EDIL3: variants seen among roughly 807,000 people sequenced by gnomAD.
EDIL3 encodes the protein EGF like and discoidin domains 3, also known as EGF-like repeat and discoidin I-like domain-containing protein 3.
Under a neutral mutation model 67.4 loss-of-function variants are expected in EDIL3, and 37 were observed. The observed-to-expected ratio is 0.55, with a 90% CI of 0.42 to 0.72. The LOEUF is 0.72. EDIL3 is among the 30% of genes least tolerant of loss of function. The probability of loss-of-function intolerance (pLI) is 0.00; values close to 1 mark genes in which losing one functional copy is unlikely to be tolerated. For missense variants in EDIL3, 527 were observed against 586.3 expected (o/e 0.90, Z 1.04); for synonymous variants, 195 against 196.3 (o/e 0.99, Z 0.05).
chr5:83,994,910 T>A (rs1745210850), intron 9 of EDIL3, among the ~76,000 whole-genome samples: 2 of 152,222 alleles, frequency 1.3e-5, no homozygotes, highest in Non-Finnish European at 1.5e-5. Flanking sequence ...TTCTTCCTCA[T>A]ATATATTTCA....
At chr5:84,369,786 A>G (rs1352046615) in intron 1 of EDIL3, among the ~76,000 whole-genome samples, 2 of 152,174 alleles carry the variant, frequency 1.3e-5, no homozygotes, top group Non-Finnish European at 2.9e-5. Flanking sequence ...ATTAAATTGA[A>G]AATTAAACCC....
chr5:84,125,380 A>G (rs1334939989), intron 5 of EDIL3, among the ~76,000 whole-genome samples: 1 of 152,024 alleles, frequency 6.6e-6, no homozygotes, highest in African/African-American at 2.4e-5. Flanking sequence ...TTTTTAGACG[A>G]TAAGTCATTT....
At chr5:84,321,365 T>C (rs1306505462) in intron 1 of EDIL3, among the ~76,000 whole-genome samples, 9 of 152,136 alleles carry the variant, frequency 5.9e-5, no homozygotes, top group Admixed American at 5.9e-4. Context: ...CATCTTCAAT[T>C]GTTGCCATTA....
chr5:84,287,244 G>A (rs1474628375), intron 1 of EDIL3, among the ~76,000 whole-genome samples: 2 of 152,132 alleles, frequency 1.3e-5, no homozygotes, highest in African/African-American at 4.8e-5. Context: ...AATGTGCTAT[G>A]TGGATTCTTT....
In EDIL3 at chr5:84,338,982, C is replaced by T. The variant is rs1747043415; in HGVS notation, c.67+45326G>A. Among the ~76,000 whole-genome samples the T allele has an allele frequency of 1.3e-5, 2 of 151,800 alleles. 1 individual carries two copies. Among genetic ancestry groups the T allele is most frequent in the South Asian group, 4.1e-4 (2 of 4,832 alleles). The stretch of plus-strand genomic sequence containing the variant: ...GCAAATAATGTAAATAGATCTGTCA[C>T]TATTCATCCCTCCCCTTCCTTCTGT... On this transcript the variant is annotated intron_variant, in intron 1 of 10. Coordinates refer to ENST00000296591, the MANE Select transcript of EDIL3 (RefSeq NM_005711.5).
intron 4 of EDIL3, among the ~76,000 whole-genome samples, chr5:84,176,181 AAT>A (rs1554071663): frequency 2.3e-5 from 2 of 86,464 alleles, no homozygotes; most frequent in Non-Finnish European, 4.1e-5. Context: ...AGTGGTAAAA[AAT>A]ATATATATAT....
At chr5:84,176,752 T>C (rs1277725544) in intron 4 of EDIL3, among the ~76,000 whole-genome samples, 1 of 98,738 alleles carries the variant, frequency 1.0e-5, no homozygotes, top group African/African-American at 3.8e-5. Context: ...TATGTGTGTA[T>C]ATATGTGTGT....
At chr5:84,211,125 G>A (rs2112389534) in intron 3 of EDIL3, among the ~76,000 whole-genome samples, 1 of 152,174 alleles carries the variant, frequency 6.6e-6, no homozygotes, top group South Asian at 2.1e-4. Context: ...TGGTTTATTC[G>A]GCCATGCCAA....
At chr5:84,166,633 T>C (rs191853812) in intron 4 of EDIL3, among the ~76,000 whole-genome samples, 1 of 152,074 alleles carries the variant, frequency 6.6e-6, no homozygotes, top group Non-Finnish European at 1.5e-5. Flanking sequence ...AAAACATAAA[T>C]ATAAAATGTG....
intron 9 of EDIL3, among the ~76,000 whole-genome samples, chr5:83,982,654 C>T (rs956776052): frequency 2.0e-5 from 3 of 151,974 alleles, no homozygotes; most frequent in Non-Finnish European, 4.4e-5. Context: ...ATAGTAATTT[C>T]GTGTATAATA....
At chr5:84,164,951 G>C (rs1748678537) in intron 4 of EDIL3, among the ~76,000 whole-genome samples, 1 of 152,106 alleles carries the variant, frequency 6.6e-6, no homozygotes, top group Admixed American at 6.6e-5. Context: ...AAGGGCAAGG[G>C]CTTTCCAGGC....
chr5:83,960,999 A>C (rs1328338205), intron 10 of EDIL3, among the ~76,000 whole-genome samples: 1 of 151,086 alleles, frequency 6.6e-6, no homozygotes, highest in Non-Finnish European at 1.5e-5. Context: ...AATAGGTTAA[A>C]AGTAAAAGGA....
chr5:84,323,385 C>A (rs969900966), intron 1 of EDIL3, among the ~76,000 whole-genome samples: 1 of 151,602 alleles, frequency 6.6e-6, no homozygotes. Context: ...AATGCTGTCC[C>A]CATAGTAACC....
intron 9 of EDIL3, among the ~76,000 whole-genome samples, chr5:84,006,987 A>G (rs1214797282): frequency 6.6e-6 from 1 of 152,118 alleles, no homozygotes; most frequent in Non-Finnish European, 1.5e-5. Flanking sequence ...AAATCCATAC[A>G]TCTACAGTAA....
chr5:84,284,037 C>A (rs1024471804), intron 1 of EDIL3, among the ~76,000 whole-genome samples: 8 of 152,086 alleles, frequency 5.3e-5, no homozygotes, highest in African/African-American at 1.9e-4. Flanking sequence ...CTTCCACCTC[C>A]ATTCTCAACA....
intron 9 of EDIL3, among the ~76,000 whole-genome samples, chr5:83,980,580 C>T (rs1436253229): frequency 4.0e-5 from 6 of 151,056 alleles, no homozygotes; most frequent in South Asian, 2.1e-4. Flanking sequence ...CCCAGCTACT[C>T]GGGAGTCTGA....
At chr5:83,962,542 T>C (rs879828106) in intron 10 of EDIL3, among the ~76,000 whole-genome samples, 1 of 151,508 alleles carries the variant, frequency 6.6e-6, no homozygotes, top group Non-Finnish European at 1.5e-5. Context: ...AGATAAAAAT[T>C]GTATGGCATT....
At chr5:84,240,089 T>G (rs1439074193) in intron 2 of EDIL3, among the ~76,000 whole-genome samples, 1 of 152,230 alleles carries the variant, frequency 6.6e-6, no homozygotes, top group Non-Finnish European at 1.5e-5. Flanking sequence ...TCAATTTCAG[T>G]CAATGAGCCA....
chr5:84,104,450 TAAAG>T (rs993989762), intron 6 of EDIL3, among the ~76,000 whole-genome samples: 47 of 151,904 alleles, frequency 3.1e-4, no homozygotes, highest in African/African-American at 1.1e-3. Context: ...AATATATTAT[TAAAG>T]AACACAATTA....
Sources: allele counts gnomAD v4.1 joint callset (sites outside exome capture counted in the v4.1 genomes callset), GRCh38; gene constraint gnomAD v4.1.1; transcripts MANE v1.5; gene names NCBI Gene and HGNC (gene_info 2026-07-23, HGNC 2026-07-21).